Variants in TEKT3 observed in about 807,000 individuals in gnomAD.
The protein encoded by TEKT3 is tektin 3, also known as tektin-3.
Under a neutral mutation model 49.8 loss-of-function variants are expected in TEKT3, and 49 were observed. The observed-to-expected ratio is 0.98, with a 90% CI of 0.78 to 1.25. The LOEUF (loss-of-function observed/expected upper bound fraction) is 1.25, where lower values mean the gene tolerates loss of function less well. Among genes scored for constraint, TEKT3 ranks in the 50% most tolerant of loss-of-function variants. The pLI is 0.00. For synonymous variants in TEKT3, 225 were observed against 237.2 expected, an observed-to-expected ratio of 0.95 and a Z score of 0.47; for missense variants, 595 against 629.5, an observed-to-expected ratio of 0.95 and a Z score of 0.59.
intron 4 of TEKT3, among the ~76,000 whole-genome samples, chr17:15,325,471 T>C (rs192239242): frequency 1.0e-3 from 154 of 152,234 alleles, no homozygotes; most frequent in African/African-American, 3.5e-3. Context: ...TTCTTTACTC[T>C]GCCTAGTCAT....
intron 2 of TEKT3, among the ~76,000 whole-genome samples, chr17:15,334,106 G>T (rs1014715851): frequency 2.0e-5 from 3 of 152,026 alleles, no homozygotes; most frequent in African/African-American, 7.3e-5. Flanking sequence ...CTGTTGCCCA[G>T]GCTGGAATGC....
At position 15,321,289 on chromosome 17, in the gene TEKT3, G is replaced by T. The variant is rs11078289; in HGVS notation, c.664-2142C>A. 9.2e-5 allele frequency among the ~76,000 whole-genome samples: 14 copies of T among 151,860 alleles called. No homozygotes were observed. The South Asian group carries it at 2.9e-3, about 32-fold the overall frequency. On this transcript the variant is annotated intron_variant, in intron 4 of 8. Transcript: ENST00000395930. ...TTCCCAAAGTGCTGAGATTACAGGCGTGAGCCACCATGCCCGGCCAACAAT... is the reference window on the plus strand; with the variant it reads ...TTCCCAAAGTGCTGAGATTACAGGCTTGAGCCACCATGCCCGGCCAACAAT...
intron 8 of TEKT3, among the ~76,000 whole-genome samples, chr17:15,306,558 GAA>G (rs34533322): frequency 0.011 from 1,577 of 143,686 alleles, 20 homozygotes; most frequent in Non-Finnish European, 0.012. Context: ...CCAGGAATAG[GAA>G]AAAAAAAAAA....
chr17:15,304,935 G>A lies in TEKT3; in HGVS notation c.1257-783C>T, dbSNP rs1406754035. Among the ~76,000 whole-genome samples, 1 of 152,194 alleles carries A rather than the reference G, an allele frequency of 6.6e-6. No individual in the cohort carries two copies. The highest frequency in any genetic ancestry group is 1.9e-4 in the East Asian group (1 of 5,200). ...CTGCCCAGTGTTGTGACTTCCAAAA[G>A]GACCAAGCCTTTTACGGCACTCAGG... On this transcript the variant is annotated intron_variant, in intron 8 of 8. Coordinates refer to ENST00000395930, the MANE Select transcript of TEKT3 (RefSeq NM_031898.3). This position sits in a 1 kb window ranked among gnomAD's most constrained non-coding sequence, Gnocchi z 4.7.
At chr17:15,320,236 T>C (rs572197245) in intron 4 of TEKT3, among the ~76,000 whole-genome samples, 1 of 152,362 alleles carries the variant, frequency 6.6e-6, no homozygotes, top group African/African-American at 2.4e-5. Flanking sequence ...GCTGATATTA[T>C]GAGTATTCAT....
chr17:15,326,180 TAAAACTA>T (rs1164655912), intron 4 of TEKT3, among the ~76,000 whole-genome samples: 12 of 152,144 alleles, frequency 7.9e-5, no homozygotes, highest in African/African-American at 2.4e-4. Flanking sequence ...CGTGTGGGGA[TAAAACTA>T]CTCTGAGGAC....
At chr17:15,308,560 C>T in intron 8 of TEKT3, 104 bp downstream of exon 8, 1 of 1,463,242 alleles carries the variant, frequency 6.8e-7, no homozygotes. Context: ...CAGAAGGCTC[C>T]TACATGCTGC....
At chr17:15,307,329 C>T (rs532602394) in intron 8 of TEKT3, among the ~76,000 whole-genome samples, 3 of 152,188 alleles carry the variant, frequency 2.0e-5, no homozygotes, top group African/African-American at 4.8e-5. Flanking sequence ...TGGAATAGAA[C>T]TCTGGGGTGA....
intron 2 of TEKT3, among the ~76,000 whole-genome samples, chr17:15,338,900 A>G (rs1292500124): frequency 1.3e-5 from 2 of 152,082 alleles, no homozygotes; most frequent in Non-Finnish European, 2.9e-5. Context: ...AAGAAACAGC[A>G]AATTCTTTGG....
At chr17:15,313,930 C>T (rs899730914) in intron 6 of TEKT3, among the ~76,000 whole-genome samples, 157 bp downstream of exon 6, 5 of 152,198 alleles carry the variant, frequency 3.3e-5, no homozygotes, top group East Asian at 1.9e-4. Context: ...GACCACAGAA[C>T]GTGCTTGCTT....
At chr17:15,339,072 T>C (rs1220272769) in intron 2 of TEKT3, among the ~76,000 whole-genome samples, 3 of 152,184 alleles carry the variant, frequency 2.0e-5, no homozygotes, top group Non-Finnish European at 2.9e-5. Context: ...AAGAGGTGAT[T>C]ATGTTATAAG....
intron 5 of TEKT3, among the ~76,000 whole-genome samples, chr17:15,318,134 C>T (rs230891): frequency 0.38 from 57,854 of 151,462 alleles, 11,121 homozygotes; most frequent in East Asian, 0.45. Context: ...GGACTACAGG[C>T]GCCTGCCACC....
chr17:15,313,952 G>A lies in TEKT3; in HGVS notation c.878+135C>T. 4 of 1,270,112 alleles carry A rather than the reference G, an allele frequency of 3.1e-6. No individual in the cohort carries two copies. The South Asian group carries it at 5.7e-5, about 18-fold the overall frequency. The allele number at this position is 1,270,112 out of a possible 1,614,324, so 78.7% of individuals were successfully genotyped here. ...GAACGTGCTTGCTTACTGGAGACTT[G>A]TCCAAAGCTGGGTGTGTTTCTCACC... On this transcript the variant is annotated intron_variant, in intron 6 of 8. Transcript: ENST00000395930.
chr17:15,308,334 TG>T (rs1910625548), intron 8 of TEKT3, among the ~76,000 whole-genome samples: 2 of 152,200 alleles, frequency 1.3e-5, no homozygotes, highest in Non-Finnish European at 2.9e-5. Flanking sequence ...TAGCACTTTT[TG>T]TGTGTGTAGC....
At chr17:15,330,949 A>T in intron 3 of TEKT3, 58 bp downstream of exon 3, 4 of 1,439,622 alleles carry the variant, frequency 2.8e-6, no homozygotes, top group Non-Finnish European at 3.7e-6. Context: ...TAACCACAGT[A>T]ACTCAACCAG....
At chr17:15,324,316 C>G (rs763288256) in intron 4 of TEKT3, among the ~76,000 whole-genome samples, 24 of 152,162 alleles carry the variant, frequency 1.6e-4, no homozygotes, top group Non-Finnish European at 1.8e-4. Context: ...GTATGACTAT[C>G]TTACATTTTA....
chr17:15,317,346 C>T (rs1911053911), intron 5 of TEKT3, among the ~76,000 whole-genome samples: 2 of 152,180 alleles, frequency 1.3e-5, no homozygotes, highest in South Asian at 4.1e-4. Context: ...AAAAGATGGG[C>T]AGCAGATTCC....
rs767035511 is a variant in TEKT3 at position 15,306,335 on chromosome 17, G to C, written c.1257-2183C>G. Among the ~76,000 whole-genome samples the C allele has an allele frequency of 2.6e-5, 4 of 151,846 alleles. 1 individual carries two copies. Among genetic ancestry groups the C allele is most frequent in the Non-Finnish European group, 5.9e-5 (4 of 68,006 alleles). ...ATGATCTTTATTTTTTCTAAATCTA[G>C]ACCGCCGAAGGGCTGCTTTCAGAAC... On this transcript the variant is annotated intron_variant, in intron 8 of 8. Transcript: ENST00000395930.
intron 5 of TEKT3, among the ~76,000 whole-genome samples, chr17:15,318,400 TA>T (rs1264167622): frequency 1.3e-5 from 2 of 152,084 alleles, no homozygotes; most frequent in African/African-American, 2.4e-5. Context: ...ATCTCTTATG[TA>T]AAAAAAATGC....
Sources: gnomAD v4.1 joint callset for allele counts (sites outside exome capture counted in the v4.1 genomes callset) on GRCh38, gnomAD v4.1.1 for gene constraint, Gnocchi (gnomAD v3.1) non-coding constraint, MANE v1.5 for transcripts, NCBI Gene and HGNC (gene_info 2026-07-23, HGNC 2026-07-21) for gene names.